The following CEP72 variants were observed in gnomAD, a reference collection of about 807,000 sequenced individuals.
The protein encoded by CEP72 is centrosomal protein of 72 kDa.
A neutral mutation model predicts 65.7 loss-of-function variants in CEP72; 78 were observed. The ratio of observed to expected loss-of-function variants is 1.19; its 90% CI spans 0.99 to 1.43. The LOEUF is 1.43. CEP72 is among the 40% of genes most tolerant of loss of function. The pLI, the probability that CEP72 is intolerant of heterozygous loss-of-function variation, is 0.00. For missense variants in CEP72, 914 were observed against 832.9 expected (o/e 1.10, Z -1.20); for synonymous variants, 358 against 351.7 (o/e 1.02, Z -0.20).
At chr5:649,775 C>G (rs111206006) in intron 11 of CEP72, among the ~76,000 whole-genome samples, 415 of 36,644 alleles carry the variant, frequency 0.011, 25 homozygotes, top group African/African-American at 0.077. Context: ...GAGGCGTGGA[C>G]TGTGAGGTGT....
rs546756198 is a variant in CEP72 at position 623,230 on chromosome 5, G to A, written c.404-1241G>A. Among the ~76,000 whole-genome samples, 66 of 152,364 alleles carry A rather than the reference G, an allele frequency of 4.3e-4. No homozygotes were observed. The highest frequency in any genetic ancestry group is 1.5e-3 in the African/African-American group (62 of 41,584). On this transcript the variant is annotated intron_variant, in intron 3 of 11. Transcript: ENST00000264935. The surrounding 1 kb of genome is among the most constrained non-coding windows in gnomAD (Gnocchi z 5.3). ...GTTTCTACAGAGAAGGAGCACAACCGTCTCCCCGCATGTGAGAGATGCTTC... is the reference window on the plus strand; with the variant it reads ...GTTTCTACAGAGAAGGAGCACAACCATCTCCCCGCATGTGAGAGATGCTTC...
chr5:647,802 C>G lies in CEP72; in HGVS notation c.1667-3C>G. 2 of 1,590,220 alleles carry G rather than the reference C, an allele frequency of 1.3e-6. No individual in the cohort carries two copies. Among genetic ancestry groups the G allele is most frequent in the Non-Finnish European group, 1.7e-6 (2 of 1,169,000 alleles). On this transcript the variant is annotated splice_polypyrimidine_tract_variant and splice_region_variant and intron_variant, in intron 10 of 11. Coordinates refer to ENST00000264935, the MANE Select transcript of CEP72 (RefSeq NM_018140.4). ...GGTACTTTTTTTTTTCTTTCTCTTT[C>G]AGGACTTCAAACAAGTGTGAAGAGG... is the stretch of plus-strand genomic sequence containing the variant.
At chr5:633,672 C>T (rs1268319261) in intron 4 of CEP72, 97 bp from the exon 5 acceptor site, 14 of 1,217,092 alleles carry the variant, frequency 1.2e-5, no homozygotes, top group Non-Finnish European at 1.7e-5. Flanking sequence ...CGCTGCTTCT[C>T]TCAGAGACCG....
At chr5:642,741 G>A (rs748113136) in intron 9 of CEP72, 14 of 985,268 alleles carry the variant, frequency 1.4e-5, no homozygotes, top group African/African-American at 3.5e-5. Flanking sequence ...CGAGCCCCGC[G>A]GGTAAGGAGC....
In CEP72 at chr5:653,411, T is replaced by TCA. The variant is rs1739240885; in HGVS notation, c.*259_*260insAC. ...TATTTTGAGACAAACTGACTATTAA[T>TCA]CTTGTATCCAGTATCCTGAGATGAA... On this transcript the variant is annotated 3_prime_UTR_variant, in exon 12 of 12. Coordinates refer to ENST00000264935, the MANE Select transcript of CEP72 (RefSeq NM_018140.4). 2.9e-6 allele frequency: 1 copy of TCA among 349,820 alleles called. No homozygotes were observed. The highest frequency in any genetic ancestry group is 9.1e-5 in the South Asian group (1 of 10,968). 21.7% of individuals were successfully genotyped at this position (349,820 alleles called of 1,614,324 possible). A position where few individuals can be genotyped will look rare whatever the true frequency, so the allele number is the denominator to read the frequency against.
rs1438540096 is a variant in CEP72 at position 647,816 on chromosome 5, A to G, written c.1678A>G (p.Ser560Gly). The change falls in exon 11 of 12, where the codon AGT (serine) becomes GGT (glycine). Residue 560 changes from serine (S) to glycine (G), a missense_variant. Ser to Gly is a moderately conservative substitution (Grantham distance 56). Coordinates refer to ENST00000264935, the MANE Select transcript of CEP72 (RefSeq NM_018140.4). ...TCTTTCTCTTTCAGGACTTCAAACA[A>G]GTGTGAAGAGGCTGTGTGGCGAGAT... ...LNLQIAGLQT[S>G]VKRLCGEIVE... 7 of 1,610,246 alleles carry G rather than the reference A, an allele frequency of 4.3e-6. No individual in the cohort carries two copies. Among genetic ancestry groups the G allele is most frequent in the South Asian group, 1.1e-5 (1 of 90,836 alleles).
At chr5:625,939 C>A (rs1736727942) in intron 4 of CEP72, among the ~76,000 whole-genome samples, 1 of 151,960 alleles carries the variant, frequency 6.6e-6, no homozygotes, top group African/African-American at 2.4e-5. Flanking sequence ...CAGGGCCCAC[C>A]TTAATGGCCT....
rs140861583 is a variant in CEP72, at chr5:639,012, G to A, written c.1207-77G>A. On this transcript the variant is annotated intron_variant, in intron 7 of 11. Coordinates refer to ENST00000264935, the MANE Select transcript of CEP72 (RefSeq NM_018140.4). The stretch of plus-strand genomic sequence containing the variant: ...CCTTCGTGGTGCGAGGGCATCCCAG[G>A]GTGCGCTTGGGCACCTGCTGGCATT... 1.9e-6 allele frequency: 3 copies of A among 1,578,374 alleles called. No individual in the cohort carries two copies. In the East Asian group the frequency reaches 6.7e-5, roughly 36 times the overall value.
At chr5:663,935 C>T (rs1385859306) in intron 2 of CEP72, 1 of 152,608 alleles carries the variant, frequency 6.6e-6, no homozygotes. Flanking sequence ...GGAGCGCCGG[C>T]TTCTCCCCAG....
chr5:644,695 C>T (rs972236250), intron 10 of CEP72, among the ~76,000 whole-genome samples: 26 of 152,186 alleles, frequency 1.7e-4, no homozygotes, highest in African/African-American at 4.8e-4. Flanking sequence ...CCCCTCAGCA[C>T]AGGGTGTCAG....
At chr5:642,392 C>A (rs369119408) in intron 9 of CEP72, 2 of 985,346 alleles carry the variant, frequency 2.0e-6, no homozygotes, top group Admixed American at 6.1e-5. Flanking sequence ...TGTGGCCCCC[C>A]GTCTGGAAGC....
intron 2 of CEP72, 33 bp from the exon 3 acceptor site, chr5:620,034 AGT>A (rs1736280215): frequency 3.8e-6 from 6 of 1,558,718 alleles, no homozygotes; most frequent in Non-Finnish European, 5.3e-6. Flanking sequence ...TCTTGTTTAA[AGT>A]GTGAATGAAT....
At chr5:638,292 C>T (rs1162512227) in intron 7 of CEP72, among the ~76,000 whole-genome samples, 2 of 152,160 alleles carry the variant, frequency 1.3e-5, no homozygotes, top group Non-Finnish European at 2.9e-5. Flanking sequence ...CTGGAGGTCG[C>T]TGTGATGAGA....
rs1197107940 is a variant in CEP72 at position 645,114 on chromosome 5, C to T, written c.1666+689C>T. ...AGTCGAGCATCTCTTCCTGGTCTAGCCTCTCAGGGGCTCATGGACTTTTCC... is the reference window on the plus strand; with the variant it reads ...AGTCGAGCATCTCTTCCTGGTCTAGTCTCTCAGGGGCTCATGGACTTTTCC... On this transcript the variant is annotated intron_variant, in intron 10 of 11. Coordinates refer to ENST00000264935, the MANE Select transcript of CEP72 (RefSeq NM_018140.4). This position sits in a 1 kb window ranked among gnomAD's most constrained non-coding sequence, Gnocchi z 4.0. Among the ~76,000 whole-genome samples, 9 of 152,026 alleles carry T rather than the reference C, an allele frequency of 5.9e-5. No individual in the cohort carries two copies. The highest frequency in any genetic ancestry group is 1.5e-5 in the Non-Finnish European group (1 of 68,012).
At chr5:639,264 G>A (rs370078408) in intron 8 of CEP72, 40 bp downstream of exon 8, 18 of 1,523,646 alleles carry the variant, frequency 1.2e-5, no homozygotes, top group African/African-American at 1.4e-5. Flanking sequence ...TGTAGGCAGC[G>A]TCTGTGTGGG....
chr5:646,092 C>T (rs1561058402), intron 10 of CEP72, among the ~76,000 whole-genome samples: 1 of 152,162 alleles, frequency 6.6e-6, no homozygotes, highest in South Asian at 2.1e-4. Context: ...CTCCCATTGG[C>T]GGCCTGTGTG....
intron 3 of CEP72, 47 bp downstream of exon 3, chr5:620,308 A>G (rs1736304195): frequency 4.5e-6 from 7 of 1,552,164 alleles, no homozygotes; most frequent in Admixed American, 1.7e-5. Context: ...CCCGTGGGGT[A>G]TGGGAGTCGG....
intron 1 of CEP72, chr5:663,317 C>T (rs1016205971): frequency 1.3e-5 from 2 of 152,492 alleles, no homozygotes; most frequent in Non-Finnish European, 2.9e-5. Flanking sequence ...GGGCACAGGG[C>T]TGGGCTTGGG....
At chr5:613,447 T>G (rs1369612507) in intron 1 of CEP72, among the ~76,000 whole-genome samples, 1 of 151,858 alleles carries the variant, frequency 6.6e-6, no homozygotes, top group Non-Finnish European at 1.5e-5. Context: ...CTCAGCTCAC[T>G]GCAACCTCCA....
Sources: gnomAD v4.1 joint callset for allele counts (sites outside exome capture counted in the v4.1 genomes callset) on GRCh38, gnomAD v4.1.1 for gene constraint, Gnocchi (gnomAD v3.1) non-coding constraint, MANE v1.5 for transcripts, NCBI Gene and HGNC (gene_info 2026-07-23, HGNC 2026-07-21) for gene names.